Variants in SELENOP observed in about 807,000 individuals in gnomAD.
SELENOP encodes the protein selenoprotein P, plasma, 1.
A neutral mutation model predicts 41.0 loss-of-function variants in SELENOP; 36 were observed. That is an observed-to-expected ratio of 0.88 (90% CI 0.67 to 1.16). The LOEUF (loss-of-function observed/expected upper bound fraction) is 1.16. SELENOP is among the 50% of genes most tolerant of loss of function. The pLI, the probability that SELENOP is intolerant of heterozygous loss-of-function variation, is 0.00. For missense variants in SELENOP, 440 were observed against 454.2 expected, an observed-to-expected ratio of 0.97 and a Z score of 0.28; for synonymous variants, 144 against 150.8, an observed-to-expected ratio of 0.95 and a Z score of 0.33.
rs778463136 is a variant in SELENOP at position 42,801,336 on chromosome 5, A to G, written c.535-5T>C. ...AAAGTCTTCATCTTTGAGAGTCTGG[A>G]ACAAATTTATAAATCACTTTTTAAC... is the stretch of plus-strand genomic sequence containing the variant. On this transcript the variant is annotated splice_region_variant and splice_polypyrimidine_tract_variant and intron_variant, in intron 4 of 4. Transcript: ENST00000514985. 1.3e-6 allele frequency: 2 copies of G among 1,588,166 alleles called. No individual in the cohort carries two copies. Among genetic ancestry groups the G allele is most frequent in the East Asian group, 4.5e-5 (2 of 44,614 alleles).
Position 42,800,053 on chromosome 5 carries a change from A to G in SELENOP, c.*667T>C. 1 of 329,638 alleles carries G rather than the reference A, an allele frequency of 3.0e-6. No individual in the cohort carries two copies. The highest frequency in any genetic ancestry group is 6.5e-5 in the East Asian group (1 of 15,390). The allele number at this position is 329,638 out of a possible 1,614,324, so 20.4% of individuals were successfully genotyped here. On this transcript the variant is annotated 3_prime_UTR_variant, in exon 5 of 5. Coordinates refer to ENST00000514985, the MANE Select transcript of SELENOP (RefSeq NM_005410.4). ...TACTTACTAAGCAATATAGAGACAG[A>G]CAATATTATCTTTCCCCTTATATCT...
At position 42,811,855 on chromosome 5, in the gene SELENOP, C is replaced by A. The variant is rs187997102; in HGVS notation, c.-33G>T. Reference sequence around the variant, plus strand: ...ACTTACACAACCACTTCCAACGGGCCTGCTTCCTTTCTCTTTGCTTTACTC... The same window carrying A: ...ACTTACACAACCACTTCCAACGGGCATGCTTCCTTTCTCTTTGCTTTACTC... On this transcript the variant is annotated 5_prime_UTR_variant, in exon 1 of 5. In the 5' UTR this introduces an upstream ATG that the reference lacks. Transcript: ENST00000514985. The A allele has an allele frequency of 3.9e-5, 6 of 152,194 alleles. No homozygotes were observed. Among genetic ancestry groups the A allele is most frequent in the Admixed American group, 6.5e-5 (1 of 15,276 alleles). 9.4% of individuals were successfully genotyped at this position (152,194 alleles called of 1,614,324 possible). A position where few individuals can be genotyped will look rare whatever the true frequency, so the allele number is the denominator to read the frequency against.
intron 2 of SELENOP, chr5:42,807,845 GT>G (rs1760366098): frequency 5.8e-6 from 1 of 173,054 alleles, no homozygotes; most frequent in African/African-American, 2.4e-5. Context: ...TGAAGTAACT[GT>G]TCTATTTGCA....
rs188133304 is a variant in SELENOP, at chr5:42,807,145, T to A, written c.204-37A>T. On this transcript the variant is annotated intron_variant, in intron 2 of 4. Coordinates refer to ENST00000514985, the MANE Select transcript of SELENOP (RefSeq NM_005410.4). ...GGGAAGAAATACATAAAATGAATAA[T>A]CTCATTTGATTTGATTAGTGGTTTT... 26 of 1,044,210 alleles carry A rather than the reference T, an allele frequency of 2.5e-5. 1 individual carries two copies. The East Asian group carries it at 6.0e-4, about 24-fold the overall frequency. The allele number at this position is 1,044,210 out of a possible 1,614,324, so 64.7% of individuals were successfully genotyped here.
chr5:42,808,637 G>A (rs572349920), intron 1 of SELENOP, among the ~76,000 whole-genome samples: 3 of 152,030 alleles, frequency 2.0e-5, no homozygotes, highest in Non-Finnish European at 4.4e-5. Context: ...GGCCGGGTGT[G>A]GTGGCTCACG....
chr5:42,804,095 C>T (rs888059650), intron 4 of SELENOP, among the ~76,000 whole-genome samples: 1 of 152,156 alleles, frequency 6.6e-6, no homozygotes, highest in African/African-American at 2.4e-5. Flanking sequence ...AACTGAAATA[C>T]GATACATTGA....
chr5:42,811,526 A>G (rs1274335955), intron 1 of SELENOP, among the ~76,000 whole-genome samples: 1 of 152,212 alleles, frequency 6.6e-6, no homozygotes, highest in Non-Finnish European at 1.5e-5. Context: ...ATTTGAACAT[A>G]TAATACTGCC....
intron 1 of SELENOP, among the ~76,000 whole-genome samples, chr5:42,808,845 G>A (rs1243153209): frequency 4.6e-5 from 7 of 151,828 alleles, no homozygotes; most frequent in African/African-American, 1.2e-4. Flanking sequence ...GTGTGAACCC[G>A]GGCGGTGGAG....
In SELENOP at chr5:42,799,985, A is replaced by G; in HGVS notation, c.*735T>C. 3.6e-6 allele frequency: 2 copies of G among 561,150 alleles called. No homozygotes were observed. The highest frequency in any genetic ancestry group is 3.0e-6 in the Non-Finnish European group (1 of 332,746). 34.8% of individuals were successfully genotyped at this position (561,150 alleles called of 1,614,324 possible). ...ATTAACCATAAAGGAGGTCAGGTTT[A>G]TAGGGTTTGGTTTACCTATTAAACC... On this transcript the variant is annotated 3_prime_UTR_variant, in exon 5 of 5. Transcript: ENST00000514985.
intron 3 of SELENOP, 170 bp downstream of exon 3, chr5:42,806,726 A>T (rs1760336829): frequency 2.3e-6 from 1 of 435,548 alleles, no homozygotes; most frequent in African/African-American, 2.0e-5. Context: ...TTTCAAAAAT[A>T]AGGAGTGATT....
At position 42,800,835 on chromosome 5, in the gene SELENOP, T is replaced by C; in HGVS notation, c.1031A>G (p.Gln344Arg). 1 of 1,614,212 alleles carries C rather than the reference T, an allele frequency of 6.2e-7. No homozygotes were observed. Residue 344 changes from glutamine to arginine, a missense_variant, in exon 5 of 5, where the codon CAG (glutamine) becomes CGG (arginine). Coordinates refer to ENST00000514985, the MANE Select transcript of SELENOP (RefSeq NM_005410.4). The part of the protein sequence containing the change: ...RAEENITESC[Q>R]URLPPAAUQI... Reference sequence around the variant, plus strand: ...TCAGGCAGCTGGAGGCAAACGTCACTGACAAGATTCAGTTATGTTCTCCTC... The same window carrying C: ...TCAGGCAGCTGGAGGCAAACGTCACCGACAAGATTCAGTTATGTTCTCCTC...
rs757107451 is a variant in SELENOP at position 42,801,078 on chromosome 5, A to G, written c.788T>C (p.Met263Thr). The G allele has an allele frequency of 5.0e-6, 8 of 1,614,140 alleles. No homozygotes were observed. The highest frequency in any genetic ancestry group is 3.3e-5 in the South Asian group (3 of 91,066). Residue 263 changes from methionine to threonine, a missense_variant, in exon 5 of 5, where the codon ATG (methionine) becomes ACG (threonine). Coordinates refer to ENST00000514985, the MANE Select transcript of SELENOP (RefSeq NM_005410.4). ...ATCTTGTAAATCTTCACTTGCTGGCATATCTCGGTTCTCTGGGTGACCCTG... is the reference window on the plus strand; with the variant it reads ...ATCTTGTAAATCTTCACTTGCTGGCGTATCTCGGTTCTCTGGGTGACCCTG... ...HRQGHPENRDMPASEDLQDLQ... is the reference protein window; with the variant it reads ...HRQGHPENRDTPASEDLQDLQ...
chr5:42,804,515 GAT>G (rs1254098408), intron 4 of SELENOP, 139 bp downstream of exon 4: 10 of 516,326 alleles, frequency 1.9e-5, no homozygotes, highest in Non-Finnish European at 3.1e-5. Context: ...TAGATGACAG[GAT>G]GTTTGTTTAA....
chr5:42,807,493 C>T (rs1429019047), intron 2 of SELENOP: 3 of 161,600 alleles, frequency 1.9e-5, no homozygotes, highest in African/African-American at 4.8e-5. Context: ...ATTCATTATT[C>T]ACTAAATACA....
rs1326547580 is a variant in SELENOP at position 42,810,827 on chromosome 5, T to G, written c.-14+1009A>C. On this transcript the variant is annotated intron_variant, in intron 1 of 4. Coordinates refer to ENST00000514985, the MANE Select transcript of SELENOP (RefSeq NM_005410.4). ...AGACTGTTTCACTCATTTCCCTCATTTAGGTTTATGATGAAAAAATAACCC... is the reference window on the plus strand; with the variant it reads ...AGACTGTTTCACTCATTTCCCTCATGTAGGTTTATGATGAAAAAATAACCC... 6.0e-6 allele frequency: 6 copies of G among 992,726 alleles called. No homozygotes were observed. In the South Asian group the frequency reaches 2.4e-4, roughly 40 times the overall value. The allele number at this position is 992,726 out of a possible 1,614,324, so 61.5% of individuals were successfully genotyped here. A position where few individuals can be genotyped will look rare whatever the true frequency, so the allele number is the denominator to read the frequency against.
chr5:42,803,159 G>C (rs1760251208), intron 4 of SELENOP, among the ~76,000 whole-genome samples: 2 of 151,974 alleles, frequency 1.3e-5, no homozygotes, highest in South Asian at 4.2e-4. Context: ...GATACTAATA[G>C]TGTCTGATCT....
chr5:42,799,880 TC>T lies in SELENOP; in HGVS notation c.*839del, dbSNP rs1272346494. ...CATACAGCCTACATAACAAACGAAG[TC>T]AGCTTTAAGGTTTTTATTGAATTTA... On this transcript the variant is annotated 3_prime_UTR_variant, in exon 5 of 5. Coordinates refer to ENST00000514985, the MANE Select transcript of SELENOP (RefSeq NM_005410.4). The T allele has an allele frequency of 6.1e-6, 8 of 1,312,330 alleles. No individual in the cohort carries two copies. Among genetic ancestry groups the T allele is most frequent in the African/African-American group, 1.5e-5 (1 of 66,702 alleles). 81.3% of individuals were successfully genotyped at this position (1,312,330 alleles called of 1,614,324 possible). A position where few individuals can be genotyped will look rare whatever the true frequency, so the allele number is the denominator to read the frequency against.
At chr5:42,802,372 T>C (rs796922624) in intron 4 of SELENOP, 1 of 152,178 alleles carries the variant, frequency 6.6e-6, no homozygotes, top group African/African-American at 2.4e-5. Flanking sequence ...ACTCACTAAG[T>C]GATATGCTTT....
intron 3 of SELENOP, 74 bp downstream of exon 3, chr5:42,806,822 G>A (rs1448980250): frequency 2.6e-6 from 2 of 761,848 alleles, no homozygotes; most frequent in Non-Finnish European, 4.3e-6. Flanking sequence ...ATTGTTATGT[G>A]TGATGGGAAG....
Sources: gnomAD v4.1 joint callset for allele counts (sites outside exome capture counted in the v4.1 genomes callset) on GRCh38, gnomAD v4.1.1 for gene constraint, MANE v1.5 for transcripts, NCBI Gene and HGNC (gene_info 2026-07-23, HGNC 2026-07-21) for gene names.